The following NIM1K variants were observed in gnomAD, a reference collection of about 807,000 sequenced individuals.
NIM1K encodes NIM1 serine/threonine protein kinase.
In NIM1K, 35 loss-of-function variants were observed where a neutral mutation model predicts 37.1. The observed-to-expected ratio is 0.94, with a 90% CI of 0.72 to 1.25. NIM1K has a LOEUF of 1.25. NIM1K is among the 50% of genes most tolerant of loss of function. The pLI is 0.00. For synonymous variants in NIM1K, 234 were observed against 206.6 expected (o/e 1.13, Z -1.14); for missense variants, 564 against 548.0 (o/e 1.03, Z -0.29).
At chr5:43,197,460 T>C (rs1367844703) in intron 1 of NIM1K, among the ~76,000 whole-genome samples, 3 of 152,230 alleles carry the variant, frequency 2.0e-5, no homozygotes, top group Non-Finnish European at 4.4e-5. Context: ...AGTTCTATTC[T>C]TGGCTAATAA....
chr5:43,260,747 C>T (rs955795563), intron 2 of NIM1K, among the ~76,000 whole-genome samples: 3 of 152,080 alleles, frequency 2.0e-5, no homozygotes, highest in African/African-American at 7.2e-5. Flanking sequence ...TCTCCTAATG[C>T]TATCCCTCCC....
chr5:43,246,913 G>A (rs1054881019), intron 2 of NIM1K, among the ~76,000 whole-genome samples: 4 of 152,040 alleles, frequency 2.6e-5, no homozygotes, highest in South Asian at 2.1e-4. Context: ...TTTACAGCTC[G>A]GCATAATTTA....
At chr5:43,214,345 T>C (rs1400204225) in intron 1 of NIM1K, among the ~76,000 whole-genome samples, 1 of 152,140 alleles carries the variant, frequency 6.6e-6, no homozygotes, top group Non-Finnish European at 1.5e-5. Context: ...GAAGTATACA[T>C]GGTAAACTTG....
chr5:43,221,935 G>T (rs749452816), intron 1 of NIM1K, among the ~76,000 whole-genome samples: 7 of 152,252 alleles, frequency 4.6e-5, no homozygotes, highest in Non-Finnish European at 7.3e-5. Flanking sequence ...GCCCAGCACA[G>T]TGCTTAGCAT....
chr5:43,206,609 G>A, intron 1 of NIM1K: 1 of 626,928 alleles, frequency 1.6e-6, no homozygotes, highest in Non-Finnish European at 2.9e-6. Context: ...TGCTAGTCCT[G>A]GCCTCCCTGG....
At chr5:43,269,030 G>A (rs10941618) in intron 2 of NIM1K, among the ~76,000 whole-genome samples, 1,880 of 151,816 alleles carry the variant, frequency 0.012, 42 homozygotes, top group East Asian at 0.088. Context: ...ACTCCTACCC[G>A]GGCACGGTGG....
At position 43,198,199 on chromosome 5, in the gene NIM1K, CTTTCTTTCTCTT is replaced by C. The variant is rs1177964364; in HGVS notation, c.-695+5790_-695+5801del. On this transcript the variant is annotated intron_variant, in intron 1 of 3. Transcript: ENST00000326035. ...TCTTTCTTTCTTTCTTTCTTTCTTT[CTTTCTTTCTCTT>C]TCTTTCTTTCTTTCTTTCTTTCTTT... Among the ~76,000 whole-genome samples the C allele has an allele frequency of 5.1e-3, 260 of 51,110 alleles. 2 individuals are homozygous for C. The highest frequency in any genetic ancestry group is 0.012 in the Middle Eastern group (1 of 82). The allele number at this position is 51,110 out of a possible 152,430, so 33.5% of individuals were successfully genotyped here. A position where few individuals can be genotyped will look rare whatever the true frequency, so the allele number is the denominator to read the frequency against.
chr5:43,269,230 T>C (rs1579611209), intron 2 of NIM1K, among the ~76,000 whole-genome samples: 1 of 138,424 alleles, frequency 7.2e-6, no homozygotes, highest in Admixed American at 8.1e-5. Flanking sequence ...GAATTGCTTG[T>C]ACCCGGGAGG....
At chr5:43,252,143 A>G (rs1459034268) in intron 2 of NIM1K, among the ~76,000 whole-genome samples, 1 of 152,138 alleles carries the variant, frequency 6.6e-6, no homozygotes, top group African/African-American at 2.4e-5. Context: ...GTGGAATAAT[A>G]ATTAGTGTTT....
intron 1 of NIM1K, among the ~76,000 whole-genome samples, chr5:43,228,381 C>T (rs1410124573): frequency 2.6e-5 from 4 of 152,028 alleles, no homozygotes; most frequent in East Asian, 1.9e-4. Flanking sequence ...CTCCTGACCT[C>T]GTGATCCGCC....
intron 1 of NIM1K, among the ~76,000 whole-genome samples, 186 bp downstream of exon 1, chr5:43,192,597 G>A (rs1186693148): frequency 1.3e-5 from 2 of 152,210 alleles, no homozygotes; most frequent in East Asian, 3.9e-4. Flanking sequence ...TTTCTGGGGC[G>A]TACCCCCACA....
intron 2 of NIM1K, among the ~76,000 whole-genome samples, chr5:43,252,086 G>A (rs143904177): frequency 6.6e-6 from 1 of 151,966 alleles, no homozygotes; most frequent in Non-Finnish European, 1.5e-5. Context: ...GCAAGACAGT[G>A]CCCAATTCTG....
chr5:43,264,031 T>G (rs1284232769), intron 2 of NIM1K, among the ~76,000 whole-genome samples: 1 of 152,228 alleles, frequency 6.6e-6, no homozygotes, highest in Admixed American at 6.5e-5. Context: ...GAGGAGTGCT[T>G]TACTTCCAAC....
intron 2 of NIM1K, among the ~76,000 whole-genome samples, chr5:43,264,515 C>T (rs563197320): frequency 1.3e-5 from 2 of 152,260 alleles, no homozygotes; most frequent in Admixed American, 1.3e-4. Flanking sequence ...CTATGTGTGT[C>T]TCTGCATGTG....
intron 2 of NIM1K, among the ~76,000 whole-genome samples, chr5:43,273,996 G>C (rs1753300061): frequency 6.6e-6 from 1 of 152,158 alleles, no homozygotes; most frequent in Admixed American, 6.5e-5. Context: ...AGCTCTTCAT[G>C]GAATAGCAGT....
chr5:43,208,579 G>A (rs1195058065), intron 1 of NIM1K, among the ~76,000 whole-genome samples: 7 of 151,842 alleles, frequency 4.6e-5, no homozygotes, highest in Non-Finnish European at 2.9e-5. Flanking sequence ...TCCAGCCTGG[G>A]CGACAGGGCA....
intron 1 of NIM1K, among the ~76,000 whole-genome samples, chr5:43,202,693 T>TAAA (rs1408889306): frequency 6.6e-6 from 1 of 152,176 alleles, no homozygotes; most frequent in Non-Finnish European, 1.5e-5. Flanking sequence ...TCCAGCTAAG[T>TAAA]AAATTGCCAT....
intron 1 of NIM1K, among the ~76,000 whole-genome samples, chr5:43,199,201 AAAAATATATATATATATATAT>A (rs1427920811): frequency 1.0e-5 from 1 of 98,380 alleles, no homozygotes; most frequent in Non-Finnish European, 2.0e-5. Context: ...AAAAAAAAAA[AAAAATATATATATATATATAT>A]ATATATATAT....
At chr5:43,242,035 A>G (rs1156423642) in intron 1 of NIM1K, among the ~76,000 whole-genome samples, 1 of 152,052 alleles carries the variant, frequency 6.6e-6, no homozygotes, top group Non-Finnish European at 1.5e-5. Flanking sequence ...CATTTGTAAA[A>G]GTGTAACAAA....
Sources: allele counts gnomAD v4.1 joint callset (sites outside exome capture counted in the v4.1 genomes callset), GRCh38; gene constraint gnomAD v4.1.1; transcripts MANE v1.5; gene names NCBI Gene and HGNC (gene_info 2026-07-23, HGNC 2026-07-21).